Variants in LEPR observed in about 807,000 individuals in gnomAD.
LEPR encodes OB receptor.
Under a neutral mutation model 114.7 loss-of-function variants are expected in LEPR, and 56 were observed. The observed-to-expected ratio is 0.49, with a 90% confidence interval of 0.39 to 0.61. LEPR has a LOEUF of 0.61. Among genes scored for constraint, LEPR ranks in the 20% least tolerant of loss-of-function variants. The pLI, the probability that LEPR is intolerant of heterozygous loss-of-function variation, is 0.00. For missense variants in LEPR, 1,202 were observed against 1,352.9 expected (o/e 0.89, Z 1.75); for synonymous variants, 443 against 461.4 (o/e 0.96, Z 0.51).
chr1:65,634,673 A>G (rs1367000180), intron 19 of LEPR: 4 of 976,716 alleles, frequency 4.1e-6, no homozygotes, highest in African/African-American at 3.5e-5. Context: ...TTTGAAGGAC[A>G]TATGTAATCT....
intron 19 of LEPR, chr1:65,626,229 A>G: frequency 6.5e-7 from 1 of 1,535,038 alleles, no homozygotes; most frequent in Admixed American, 1.9e-5. Context: ...TGAGGTGTGC[A>G]CAATGCTGCC....
At chr1:65,592,991 T>A (rs1655812411) in intron 6 of LEPR, 126 bp downstream of exon 6, 17 of 1,037,906 alleles carry the variant, frequency 1.6e-5, no homozygotes, top group Non-Finnish European at 2.4e-5. Context: ...ATGGTAGATG[T>A]AGTACTGGGG....
chr1:65,512,188 A>G (rs572984975), intron 2 of LEPR, among the ~76,000 whole-genome samples: 73 of 152,262 alleles, frequency 4.8e-4, no homozygotes, highest in Admixed American at 1.8e-3. Flanking sequence ...CCCATGACCC[A>G]GACACCTCCC....
chr1:65,461,604 A>G (rs746827854), intron 2 of LEPR, among the ~76,000 whole-genome samples: 1 of 152,238 alleles, frequency 6.6e-6, no homozygotes, highest in Non-Finnish European at 1.5e-5. Flanking sequence ...AGTAGTGGAG[A>G]ATAGGTGGAT....
chr1:65,455,656 C>G (rs200520131), intron 2 of LEPR, among the ~76,000 whole-genome samples: 1 of 152,018 alleles, frequency 6.6e-6, no homozygotes, highest in African/African-American at 2.4e-5. Context: ...TCTCCAGCTG[C>G]GTGCTGGGAG....
At chr1:65,529,330 C>T (rs1650211400) in intron 2 of LEPR, among the ~76,000 whole-genome samples, 2 of 151,664 alleles carry the variant, frequency 1.3e-5, no homozygotes, top group Non-Finnish European at 2.9e-5. Flanking sequence ...ACCAGCTTGG[C>T]CAAGATGGTG....
At chr1:65,572,904 T>C (rs1654304958) in intron 5 of LEPR, among the ~76,000 whole-genome samples, 3 of 152,142 alleles carry the variant, frequency 2.0e-5, no homozygotes, top group Admixed American at 2.0e-4. Flanking sequence ...GGCCAGCTGC[T>C]CCTATGCACA....
At chr1:65,453,523 T>C (rs1219416594) in intron 2 of LEPR, among the ~76,000 whole-genome samples, 2 of 152,052 alleles carry the variant, frequency 1.3e-5, no homozygotes, top group African/African-American at 4.8e-5. Flanking sequence ...ATTTCTGCCT[T>C]CATTTTGTTA....
intron 2 of LEPR, among the ~76,000 whole-genome samples, chr1:65,440,644 G>A (rs891689983): frequency 6.6e-6 from 1 of 152,172 alleles, no homozygotes; most frequent in African/African-American, 2.4e-5. Context: ...GCCCTGAGCT[G>A]GAGCGTACCT....
chr1:65,638,976 T>A lies in LEPR; in HGVS notation c.*1961T>A, dbSNP rs1478689778. On this transcript the variant is annotated 3_prime_UTR_variant, in exon 20 of 20. Transcript: ENST00000349533. ...AATACATGCTTATAGATTATTGGTATTTAATTGAAGGTACAGTACAGAAGA... is the reference window on the plus strand; with the variant it reads ...AATACATGCTTATAGATTATTGGTAATTAATTGAAGGTACAGTACAGAAGA... 1 of 152,190 alleles carries A rather than the reference T, an allele frequency of 6.6e-6. No homozygotes were observed. The highest frequency in any genetic ancestry group is 1.5e-5 in the Non-Finnish European group (1 of 68,022). 9.4% of individuals were successfully genotyped at this position (152,190 alleles called of 1,614,324 possible).
chr1:65,559,857 T>A (rs1215314516), intron 2 of LEPR, among the ~76,000 whole-genome samples: 5 of 132,136 alleles, frequency 3.8e-5, no homozygotes, highest in African/African-American at 1.4e-4. Context: ...GATCAGATAG[T>A]TGTAGGTATG....
intron 2 of LEPR, 115 bp from the exon 3 acceptor site, chr1:65,565,431 A>G (rs563524815): frequency 4.2e-6 from 4 of 957,478 alleles, no homozygotes; most frequent in African/African-American, 1.6e-5. Flanking sequence ...AGAGTATCAC[A>G]TGTAAATTTA....
In LEPR at chr1:65,641,275, T is replaced by G. The variant is rs901377014; in HGVS notation, c.*4260T>G. ...ACTGAATTTGGAAGACATTTAATTT[T>G]GTAGTGAGATATCTATATTGTAGAT... On this transcript the variant is annotated 3_prime_UTR_variant, in exon 20 of 20. Coordinates refer to ENST00000349533, the MANE Select transcript of LEPR (RefSeq NM_002303.6). The G allele has an allele frequency of 6.6e-6, 1 of 152,232 alleles. No homozygotes were observed. Among genetic ancestry groups the G allele is most frequent in the Non-Finnish European group, 1.5e-5 (1 of 68,040 alleles). The allele number at this position is 152,232 out of a possible 1,614,324, so 9.4% of individuals were successfully genotyped here.
At chr1:65,607,170 T>C (rs1656867606) in intron 11 of LEPR, among the ~76,000 whole-genome samples, 1 of 152,180 alleles carries the variant, frequency 6.6e-6, no homozygotes, top group Non-Finnish European at 1.5e-5. Context: ...ACATTTGGCC[T>C]TAGTTATGGT....
At chr1:65,616,844 T>G (rs1657557496) in intron 15 of LEPR, among the ~76,000 whole-genome samples, 1 of 152,128 alleles carries the variant, frequency 6.6e-6, no homozygotes, top group South Asian at 2.1e-4. Context: ...AATACAAATT[T>G]TCTGTGTCTC....
chr1:65,425,510 C>T (rs1259411624), intron 2 of LEPR, 132 bp downstream of exon 2: 2 of 664,574 alleles, frequency 3.0e-6, no homozygotes, highest in Non-Finnish European at 4.9e-6. Context: ...TTTATGAACA[C>T]AGTCCCTTTG....
intron 2 of LEPR, among the ~76,000 whole-genome samples, chr1:65,543,395 T>A (rs1651390921): frequency 6.6e-6 from 1 of 152,028 alleles, no homozygotes; most frequent in Non-Finnish European, 1.5e-5. Flanking sequence ...TGCAAAAATT[T>A]TCTCCTATTC....
chr1:65,425,368 G>C lies in LEPR; in HGVS notation c.-31G>C. ...TTTTCTTATGCTGGGATGTGCCTTAGAGGATTATGGGTAAGTTATCATTTC... is the reference window on the plus strand; with the variant it reads ...TTTTCTTATGCTGGGATGTGCCTTACAGGATTATGGGTAAGTTATCATTTC... On this transcript the variant is annotated 5_prime_UTR_variant, in exon 2 of 20. Coordinates refer to ENST00000349533, the MANE Select transcript of LEPR (RefSeq NM_002303.6). 6.2e-7 allele frequency: 1 copy of C among 1,602,778 alleles called. No homozygotes were observed. Among genetic ancestry groups the C allele is most frequent in the Non-Finnish European group, 8.5e-7 (1 of 1,177,028 alleles).
chr1:65,584,921 GCTT>G (rs1655218966), intron 5 of LEPR, among the ~76,000 whole-genome samples: 1 of 151,844 alleles, frequency 6.6e-6, no homozygotes, highest in Non-Finnish European at 1.5e-5. Context: ...TTTACAAAAT[GCTT>G]CTTAAACTTT....
Sources: gnomAD v4.1 joint callset for allele counts (sites outside exome capture counted in the v4.1 genomes callset) on GRCh38, gnomAD v4.1.1 for gene constraint, MANE v1.5 for transcripts, NCBI Gene and HGNC (gene_info 2026-07-23, HGNC 2026-07-21) for gene names.